Variants in KDM2B observed in about 807,000 individuals in gnomAD.
KDM2B encodes lysine-specific demethylase 2B.
In KDM2B, 26 loss-of-function variants were observed where a neutral mutation model predicts 150.0. That is an observed-to-expected ratio of 0.17 (90% CI 0.13 to 0.24). The LOEUF (loss-of-function observed/expected upper bound fraction) is 0.24. KDM2B is among the 10% of genes least tolerant of loss of function. The pLI, the probability that KDM2B is intolerant of heterozygous loss-of-function variation, is 1.00. For synonymous variants in KDM2B, 734 were observed against 729.5 expected, an observed-to-expected ratio of 1.01 and a Z score of -0.10; for missense variants, 1,265 against 1,816.9, an observed-to-expected ratio of 0.70 and a Z score of 5.52.
chr12:121,472,073 A>G (rs1323022305), intron 12 of KDM2B, among the ~76,000 whole-genome samples: 1 of 152,180 alleles, frequency 6.6e-6, no homozygotes. Flanking sequence ...CAGTGAGCCA[A>G]GATCATGCCA....
At chr12:121,506,808 T>G (rs1885112684) in intron 11 of KDM2B, among the ~76,000 whole-genome samples, 1 of 152,066 alleles carries the variant, frequency 6.6e-6, no homozygotes, top group African/African-American at 2.4e-5. Context: ...TGGTGGCGCA[T>G]GCCTGTAATC....
At chr12:121,447,197 T>C (rs956729051) in intron 13 of KDM2B, among the ~76,000 whole-genome samples, 8 of 152,112 alleles carry the variant, frequency 5.3e-5, no homozygotes, top group Non-Finnish European at 1.2e-4. Flanking sequence ...CAAAACAACA[T>C]ATCACAATAG....
intron 4 of KDM2B, among the ~76,000 whole-genome samples, chr12:121,560,216 G>T (rs1485718376): frequency 6.6e-6 from 1 of 151,878 alleles, no homozygotes; most frequent in Admixed American, 6.6e-5. Context: ...TTGAGACCAG[G>T]CTGGTCTCAA....
chr12:121,575,164 G>C lies in KDM2B; in HGVS notation c.351-571C>G, dbSNP rs1438766136. Among the ~76,000 whole-genome samples, 2 of 152,246 alleles carry C rather than the reference G, an allele frequency of 1.3e-5. No homozygotes were observed. The highest frequency in any genetic ancestry group is 6.5e-5 in the Admixed American group (1 of 15,288). On this transcript the variant is annotated intron_variant, in intron 3 of 22. Transcript: ENST00000377071. This position sits in a 1 kb window ranked among gnomAD's most constrained non-coding sequence, Gnocchi z 4.4. ...GGACTCTTGAGCAAGTCTGGGAGCA[G>C]ATGCTGGAGAGAGGCTGCCTGGGAC... is the stretch of plus-strand genomic sequence containing the variant.
rs782564121 is a variant in KDM2B at position 121,441,283 on chromosome 12, G to C, written c.3285-50C>G. 12 of 1,570,458 alleles carry C rather than the reference G, an allele frequency of 7.6e-6. No homozygotes were observed. The African/African-American group carries it at 1.6e-4, about 21-fold the overall frequency. ...CATCGTCAGAGGTGGGGCTCCTCTA[G>C]GGAGCCCACACACAGCTCTTAACTG... On this transcript the variant is annotated intron_variant, in intron 19 of 22. Transcript: ENST00000377071.
chr12:121,442,016 C>A lies in KDM2B; in HGVS notation c.3284+141G>T. ...ACAAGACCAGAGGGGCCGCTGTAGC[C>A]AGCTGGAACGCTTTGCGGAGCACAA... On this transcript the variant is annotated intron_variant, in intron 19 of 22. Transcript: ENST00000377071. This position sits in a 1 kb window ranked among gnomAD's most constrained non-coding sequence, Gnocchi z 7.7. The A allele has an allele frequency of 1.4e-6, 1 of 697,584 alleles. No individual in the cohort carries two copies. Among genetic ancestry groups the A allele is most frequent in the Non-Finnish European group, 2.4e-6 (1 of 411,806 alleles). The allele number at this position is 697,584 out of a possible 1,614,324, so 43.2% of individuals were successfully genotyped here.
chr12:121,478,866 T>TTGTTTGTGTGTGTGTGTGTGTGTGTGTG lies in KDM2B; in HGVS notation c.1734+15712_1734+15713insCACACACACACACACACACACACAAACA, dbSNP rs61509046. Among the ~76,000 whole-genome samples, 8 of 131,216 alleles carry TTGTTTGTGTGTGTGTGTGTGTGTGTGTG rather than the reference T, an allele frequency of 6.1e-5. No individual in the cohort carries two copies. In the South Asian group the frequency reaches 7.9e-4, roughly 13 times the overall value. 86.1% of individuals were successfully genotyped at this position (131,216 alleles called of 152,430 possible). A position where few individuals can be genotyped will look rare whatever the true frequency, so the allele number is the denominator to read the frequency against. On this transcript the variant is annotated intron_variant, in intron 12 of 22. Coordinates refer to ENST00000377071, the MANE Select transcript of KDM2B (RefSeq NM_032590.5). Reference sequence around the variant, plus strand: ...CCACAACCGGCTAATTTTTGTTTGTTTGTGTGTGTGTGTGTGTGTGTGTGT... The same window carrying TTGTTTGTGTGTGTGTGTGTGTGTGTGTG: ...CCACAACCGGCTAATTTTTGTTTGTTTGTTTGTGTGTGTGTGTGTGTGTGTGTGTGTGTGTGTGTGTGTGTGTGTGTGT...
chr12:121,526,745 T>C (rs1399483538), intron 8 of KDM2B, among the ~76,000 whole-genome samples: 4 of 151,828 alleles, frequency 2.6e-5, no homozygotes, highest in Admixed American at 2.0e-4. Flanking sequence ...TTTAAAAATT[T>C]TTTTAGCCGG....
At chr12:121,545,168 A>AT (rs1173043579) in intron 6 of KDM2B, among the ~76,000 whole-genome samples, 5 of 152,042 alleles carry the variant, frequency 3.3e-5, no homozygotes, top group African/African-American at 1.2e-4. Context: ...TCAGGGTGGG[A>AT]TTTTTTTTAC....
intron 9 of KDM2B, among the ~76,000 whole-genome samples, chr12:121,519,494 T>C (rs1555305533): frequency 2.0e-5 from 3 of 152,204 alleles, no homozygotes. Flanking sequence ...TGGATGAACC[T>C]GGAAATCATT....
At chr12:121,408,933 G>C in the KDM2B span, among the ~76,000 whole-genome samples, 1 of 151,952 alleles carries the variant, frequency 6.6e-6, no homozygotes, top group Non-Finnish European at 1.5e-5. Context: ...AAAAGGAAAG[G>C]GATTCATTGA....
At chr12:121,574,443 T>C in intron 4 of KDM2B, 104 bp downstream of exon 4, 1 of 1,076,600 alleles carries the variant, frequency 9.3e-7, no homozygotes, top group Non-Finnish European at 1.4e-6. Flanking sequence ...CGTGGGGACT[T>C]TGTTTTGAGA....
intron 22 of KDM2B, among the ~76,000 whole-genome samples, chr12:121,437,854 A>G (rs782148148): frequency 4.6e-5 from 7 of 151,564 alleles, no homozygotes; most frequent in Admixed American, 6.6e-5. Flanking sequence ...TTATTTTTCC[A>G]GTAACTCAAC....
At chr12:121,517,936 A>G (rs564286700) in intron 9 of KDM2B, among the ~76,000 whole-genome samples, 105 of 152,074 alleles carry the variant, frequency 6.9e-4, no homozygotes, top group African/African-American at 2.4e-3. Flanking sequence ...CTTGTTGCCC[A>G]GGCTGGAGTG....
chr12:121,490,601 G>A (rs1883242389), intron 12 of KDM2B, among the ~76,000 whole-genome samples: 1 of 152,122 alleles, frequency 6.6e-6, no homozygotes, highest in African/African-American at 2.4e-5. Context: ...AATAAGCTCC[G>A]TTCCTTCACC....
At chr12:121,417,391 C>G in the KDM2B span, 1 of 806,722 alleles carries the variant, frequency 1.2e-6, no homozygotes, top group Non-Finnish European at 1.9e-6. The surrounding 1 kb of genome is among the most constrained non-coding windows in gnomAD (Gnocchi z 5.0). Flanking sequence ...AGTCTGGTGC[C>G]ACTGGGGACT....
chr12:121,453,086 A>T lies in KDM2B; in HGVS notation c.1959+34T>A. The T allele has an allele frequency of 1.3e-6, 2 of 1,557,366 alleles. No homozygotes were observed. Among genetic ancestry groups the T allele is most frequent in the South Asian group, 2.4e-5 (2 of 85,006 alleles). ...CGCGGGCCGGCACGCAGGGGCCTGAATCGAGCGCAGGGCTGGGCGGGGGCC... is the reference window on the plus strand; with the variant it reads ...CGCGGGCCGGCACGCAGGGGCCTGATTCGAGCGCAGGGCTGGGCGGGGGCC... On this transcript the variant is annotated intron_variant, in intron 13 of 22. Transcript: ENST00000377071. This position sits in a 1 kb window ranked among gnomAD's most constrained non-coding sequence, Gnocchi z 6.4.
Position 121,533,033 on chromosome 12 carries a change from T to C in KDM2B, c.778-74A>G. 6.6e-7 allele frequency: 1 copy of C among 1,509,520 alleles called. No individual in the cohort carries two copies. The highest frequency in any genetic ancestry group is 9.1e-7 in the Non-Finnish European group (1 of 1,095,726). 93.5% of individuals were successfully genotyped at this position (1,509,520 alleles called of 1,614,324 possible). A position where few individuals can be genotyped will look rare whatever the true frequency, so the allele number is the denominator to read the frequency against. ...ACCCAGAGAGAGGGCCCCACCTGCCTGGCGGAAGGGGAGGGGGCGAGACAA... is the reference window on the plus strand; with the variant it reads ...ACCCAGAGAGAGGGCCCCACCTGCCCGGCGGAAGGGGAGGGGGCGAGACAA... On this transcript the variant is annotated intron_variant, in intron 7 of 22. Coordinates refer to ENST00000377071, the MANE Select transcript of KDM2B (RefSeq NM_032590.5). This position sits in a 1 kb window ranked among gnomAD's most constrained non-coding sequence, Gnocchi z 4.1.
chr12:121,550,947 C>T (rs190540590), intron 4 of KDM2B, among the ~76,000 whole-genome samples: 2 of 152,262 alleles, frequency 1.3e-5, no homozygotes, highest in African/African-American at 4.8e-5. Context: ...TTTCCTGGGG[C>T]ACAGCCACGG....
Sources: gnomAD v4.1 joint callset for allele counts (sites outside exome capture counted in the v4.1 genomes callset) on GRCh38, gnomAD v4.1.1 for gene constraint, Gnocchi (gnomAD v3.1) non-coding constraint, MANE v1.5 for transcripts, NCBI Gene and HGNC (gene_info 2026-07-23, HGNC 2026-07-21) for gene names.